PPP3CA: variants seen among roughly 807,000 people sequenced by gnomAD.
PPP3CA encodes the protein CAM-PRP catalytic subunit.
Under a neutral mutation model 66.5 loss-of-function variants are expected in PPP3CA, and 14 were observed. The observed-to-expected ratio is 0.21, with a 90% CI of 0.14 to 0.33. The LOEUF (loss-of-function observed/expected upper bound fraction) is 0.33, where lower values mean the gene tolerates loss of function less well. Ranked by LOEUF, PPP3CA falls within the 10% of genes least tolerant of loss-of-function variation. The probability of loss-of-function intolerance (pLI) is 1.00; values close to 1 mark genes in which losing one functional copy is unlikely to be tolerated. For missense variants in PPP3CA, 317 were observed against 639.5 expected (o/e 0.50, Z 5.44); for synonymous variants, 232 against 226.2 (o/e 1.03, Z -0.23).
intron 1 of PPP3CA, among the ~76,000 whole-genome samples, chr4:101,285,936 T>C (rs1425658292): frequency 6.6e-6 from 1 of 152,174 alleles, no homozygotes; most frequent in African/African-American, 2.4e-5. Flanking sequence ...TAAATTGCAA[T>C]GCAAAAGCAC....
rs1560605300 is a variant in PPP3CA, at chr4:101,106,473, A to AGAAGAGAAG, written c.384+2480_384+2481insCTTCTCTTC. On this transcript the variant is annotated intron_variant, in intron 3 of 13. Transcript: ENST00000394854. ...AGAAAGAGAAAAGAAAAGAAAAGAA[A>AGAAGAGAAG]AGAAAAGAAAAGAAAAGAAAAGAAA... 3.2e-4 allele frequency among the ~76,000 whole-genome samples: 14 copies of AGAAGAGAAG among 43,272 alleles called. 2 individuals carry two copies. The highest frequency in any genetic ancestry group is 0.013 in the Middle Eastern group (1 of 78). The allele number at this position is 43,272 out of a possible 152,430, so 28.4% of individuals were successfully genotyped here. A position where few individuals can be genotyped will look rare whatever the true frequency, so the allele number is the denominator to read the frequency against.
At chr4:101,247,005 T>C (rs1408792778) in intron 1 of PPP3CA, among the ~76,000 whole-genome samples, 1 of 152,208 alleles carries the variant, frequency 6.6e-6, no homozygotes, top group Non-Finnish European at 1.5e-5. Flanking sequence ...ACAACATACG[T>C]ACTTTCTTTA....
chr4:101,278,638 A>C (rs753886721), intron 1 of PPP3CA, among the ~76,000 whole-genome samples: 3 of 152,214 alleles, frequency 2.0e-5, no homozygotes, highest in Non-Finnish European at 2.9e-5. Flanking sequence ...CATAATTCTG[A>C]GGTGTGTCGG....
At chr4:101,184,354 G>A (rs1275148376) in intron 2 of PPP3CA, among the ~76,000 whole-genome samples, 1 of 152,102 alleles carries the variant, frequency 6.6e-6, no homozygotes, top group Admixed American at 6.6e-5. Flanking sequence ...CATTTACTAA[G>A]GCTCTTATTG....
intron 2 of PPP3CA, among the ~76,000 whole-genome samples, chr4:101,119,900 A>T (rs769629858): frequency 2.0e-5 from 3 of 152,112 alleles, no homozygotes; most frequent in African/African-American, 7.2e-5. Context: ...TAGACTGATT[A>T]TCCACTATCA....
At chr4:101,067,189 C>A (rs755749407) in intron 8 of PPP3CA, among the ~76,000 whole-genome samples, 1 of 152,120 alleles carries the variant, frequency 6.6e-6, no homozygotes, top group Non-Finnish European at 1.5e-5. Flanking sequence ...ACTAATCCCA[C>A]GAATCTGGAA....
chr4:101,235,355 T>C (rs541085576), intron 1 of PPP3CA, among the ~76,000 whole-genome samples: 2 of 151,890 alleles, frequency 1.3e-5, no homozygotes, highest in African/African-American at 2.4e-5. Context: ...TAGTCTTCAA[T>C]TTATGTCAAT....
chr4:101,040,503 G>A lies in PPP3CA; in HGVS notation c.1220C>T (p.Ala407Val). Residue 407 changes from alanine to valine, a missense_variant, in exon 11 of 14, where the codon GCC becomes GTC. By Grantham distance (64) the Ala-to-Val change is moderately conservative (BLOSUM62 0). Transcript: ENST00000394854. Reference protein sequence around the residue: ...RNKIRAIGKMARVFSVLREES... With the variant: ...RNKIRAIGKMVRVFSVLREES... ...CCACCTGAGCACTGAGAACACTCTG[G>A]CCATTTTGCCTATTGCTCGGATCTT... The A allele has an allele frequency of 6.2e-7, 1 of 1,612,872 alleles. No homozygotes were observed.
At chr4:101,097,852 C>G (rs1386601189) in intron 5 of PPP3CA, among the ~76,000 whole-genome samples, 1 of 152,144 alleles carries the variant, frequency 6.6e-6, no homozygotes, top group African/African-American at 2.4e-5. Context: ...ACAAATACTT[C>G]TTAAAAAGTC....
chr4:101,038,760 T>C (rs1043346012), intron 11 of PPP3CA, among the ~76,000 whole-genome samples: 10 of 152,250 alleles, frequency 6.6e-5, no homozygotes, highest in African/African-American at 1.2e-4. Context: ...ATACAGTTAA[T>C]GCTCAATCAT....
At chr4:101,146,057 G>A (rs962610893) in intron 2 of PPP3CA, among the ~76,000 whole-genome samples, 4 of 152,238 alleles carry the variant, frequency 2.6e-5, no homozygotes, top group African/African-American at 9.6e-5. Flanking sequence ...ATGAGAAATC[G>A]AAATTTAGAA....
rs544643525 is a variant in PPP3CA at position 101,211,660 on chromosome 4, G to A, written c.59-15544C>T. On this transcript the variant is annotated intron_variant, in intron 1 of 13. Coordinates refer to ENST00000394854, the MANE Select transcript of PPP3CA (RefSeq NM_000944.5). ...ATGAGTCCCTCAAAGTTATTTCCAC[G>A]TATGAACACTGAGCTTGGGTTCTAC... Among the ~76,000 whole-genome samples, 12 of 152,158 alleles carry A rather than the reference G, an allele frequency of 7.9e-5. No individual in the cohort carries two copies. In the East Asian group the frequency reaches 1.2e-3, roughly 15 times the overall value.
intron 1 of PPP3CA, among the ~76,000 whole-genome samples, chr4:101,209,742 A>G (rs1158554691): frequency 1.3e-5 from 2 of 152,200 alleles, no homozygotes; most frequent in African/African-American, 2.4e-5. Flanking sequence ...TCAAGAAACA[A>G]AAGAAGAAAA....
In PPP3CA at chr4:101,033,275, GACACACACACACACACAA is replaced by G. The variant is rs1202304629; in HGVS notation, c.1242-929_1242-912del. Among the ~76,000 whole-genome samples the G allele has an allele frequency of 4.6e-3, 581 of 126,904 alleles. 2 individuals are homozygous for G. The highest frequency in any genetic ancestry group is 0.013 in the African/African-American group (426 of 33,966). The allele number at this position is 126,904 out of a possible 152,430, so 83.3% of individuals were successfully genotyped here. A position where few individuals can be genotyped will look rare whatever the true frequency, so the allele number is the denominator to read the frequency against. Reference sequence around the variant, plus strand: ...TTGCGTGTATATATACATACATAGAGACACACACACACACACAAACACACACACACACACACACACACA... The same window carrying G: ...TTGCGTGTATATATACATACATAGAGACACACACACACACACACACACACA... On this transcript the variant is annotated intron_variant, in intron 11 of 13. Transcript: ENST00000394854.
chr4:101,042,635 C>A (rs1301527248), intron 10 of PPP3CA, among the ~76,000 whole-genome samples: 1 of 151,998 alleles, frequency 6.6e-6, no homozygotes, highest in African/African-American at 2.4e-5. Context: ...AGGGTGTGTG[C>A]AGGATCCCTA....
At chr4:101,284,723 T>C (rs1264473210) in intron 1 of PPP3CA, among the ~76,000 whole-genome samples, 1 of 152,094 alleles carries the variant, frequency 6.6e-6, no homozygotes, top group East Asian at 1.9e-4. Flanking sequence ...GTTTTCAATG[T>C]CATAGTTACC....
intron 6 of PPP3CA, 110 bp downstream of exon 6, chr4:101,093,666 T>C: frequency 1.7e-6 from 2 of 1,159,442 alleles, no homozygotes; most frequent in African/African-American, 1.6e-5. Flanking sequence ...GAGCCTTTCA[T>C]TTATATTAAA....
intron 2 of PPP3CA, among the ~76,000 whole-genome samples, chr4:101,140,455 C>A (rs1722767359): frequency 6.6e-6 from 1 of 152,162 alleles, no homozygotes. Context: ...GATCAGCTCT[C>A]CTCAGCAGCA....
At chr4:101,027,252 AT>A (rs1401269132) in intron 13 of PPP3CA, among the ~76,000 whole-genome samples, 1 of 140,274 alleles carries the variant, frequency 7.1e-6, no homozygotes, top group Non-Finnish European at 1.6e-5. Context: ...TCCCAACCTT[AT>A]TTGGGGGGGA....
Sources: gnomAD v4.1 joint callset for allele counts (sites outside exome capture counted in the v4.1 genomes callset) on GRCh38, gnomAD v4.1.1 for gene constraint, MANE v1.5 for transcripts, NCBI Gene and HGNC (gene_info 2026-07-23, HGNC 2026-07-21) for gene names.